Variants in RANBP1 observed in about 807,000 individuals in gnomAD.
The protein encoded by RANBP1 is RAN binding protein 1.
Under a neutral mutation model 31.4 loss-of-function variants are expected in RANBP1, and 16 were observed. The observed-to-expected ratio is 0.51, with a 90% CI of 0.34 to 0.77. The LOEUF (loss-of-function observed/expected upper bound fraction) is 0.77. Among genes scored for constraint, RANBP1 ranks in the 30% least tolerant of loss-of-function variants. The pLI is 0.01. For synonymous variants in RANBP1, 129 were observed against 140.5 expected (o/e 0.92, Z 0.58); for missense variants, 265 against 362.0 (o/e 0.73, Z 2.17).
intron 1 of RANBP1, chr22:20,117,561 G>A (rs1414310628): frequency 9.9e-6 from 14 of 1,410,342 alleles, no homozygotes; most frequent in Non-Finnish European, 1.3e-5. Context: ...GGCGCCAGAC[G>A]CGGAGGGAAG....
chr22:20,124,741 GCT>G (rs1307184092), intron 3 of RANBP1: 1 of 158,144 alleles, frequency 6.3e-6, no homozygotes, highest in African/African-American at 2.4e-5. Flanking sequence ...CCCCCAGTGG[GCT>G]CCCTTCTGGC....
At chr22:20,116,734 C>T in intron 1 of RANBP1, 2 of 1,400,286 alleles carry the variant, frequency 1.4e-6, no homozygotes, top group Admixed American at 2.1e-5. Context: ...CTGCCCCTCC[C>T]CCAGTCTACC....
At chr22:20,119,253 TAAAG>T in intron 2 of RANBP1, 104 bp downstream of exon 2, 1 of 1,144,578 alleles carries the variant, frequency 8.7e-7, no homozygotes, top group Admixed American at 2.1e-5. Flanking sequence ...TGAGGCTGCT[TAAAG>T]AAAGGGCCTA....
At chr22:20,117,462 T>C (rs1321125638) in intron 1 of RANBP1, 1 of 1,199,682 alleles carries the variant, frequency 8.3e-7, no homozygotes, top group Non-Finnish European at 1.0e-6. Flanking sequence ...TGTACTGGTT[T>C]TGAATCGCGG....
intron 1 of RANBP1, chr22:20,117,566 G>C: frequency 7.1e-7 from 1 of 1,413,056 alleles, no homozygotes; most frequent in Non-Finnish European, 9.2e-7. Flanking sequence ...CAGACGCGGA[G>C]GGAAGGAGCT....
In RANBP1 at chr22:20,122,126, T is replaced by C. The variant is rs1429216408; in HGVS notation, c.384-138T>C. 7 of 896,326 alleles carry C rather than the reference T, an allele frequency of 7.8e-6. No homozygotes were observed. In the African/African-American group the frequency reaches 1.0e-4, roughly 13 times the overall value. 55.5% of individuals were successfully genotyped at this position (896,326 alleles called of 1,614,324 possible). A position where few individuals can be genotyped will look rare whatever the true frequency, so the allele number is the denominator to read the frequency against. ...TTTCTGGTGGTGTTGTGACGGGCAG[T>C]TCTTGGAGCCTGAAGAAGGGCTGGG... is the stretch of plus-strand genomic sequence containing the variant. On this transcript the variant is annotated intron_variant, in intron 2 of 5. Transcript: ENST00000430524.
intron 3 of RANBP1, among the ~76,000 whole-genome samples, chr22:20,123,245 T>C (rs2050221407): frequency 9.4e-6 from 1 of 106,706 alleles, no homozygotes; most frequent in East Asian, 3.1e-4. Flanking sequence ...GGGTGTGGTA[T>C]CCGGGGTGTG....
intron 1 of RANBP1, chr22:20,117,355 G>A: frequency 2.5e-6 from 3 of 1,217,962 alleles, no homozygotes; most frequent in Non-Finnish European, 3.1e-6. Context: ...GCGCTCCTCT[G>A]GCTGACGGGC....
intron 2 of RANBP1, among the ~76,000 whole-genome samples, chr22:20,121,588 A>G (rs1258932172): frequency 1.3e-5 from 2 of 151,912 alleles, no homozygotes; most frequent in East Asian, 3.9e-4. Flanking sequence ...ACTCTCACCC[A>G]GGCTGGAGTG....
Position 20,122,433 on chromosome 22 carries a change from G to GA in RANBP1, c.541+14dup. On this transcript the variant is annotated intron_variant, in intron 3 of 5. Coordinates refer to ENST00000430524, the MANE Select transcript of RANBP1 (RefSeq NM_001278639.2). ...TGCCAACCACTACAGTAGGTGGCATGAACGACCACCTCGACAGTCCCCAGC... is the reference window on the plus strand; with the variant it reads ...TGCCAACCACTACAGTAGGTGGCATGAAACGACCACCTCGACAGTCCCCAGC... 2 of 1,611,272 alleles carry GA rather than the reference G, an allele frequency of 1.2e-6. No homozygotes were observed. Among genetic ancestry groups the GA allele is most frequent in the Non-Finnish European group, 1.7e-6 (2 of 1,178,596 alleles).
intron 2 of RANBP1, 83 bp downstream of exon 2, chr22:20,119,232 T>A (rs765301149): frequency 8.0e-6 from 11 of 1,375,464 alleles, no homozygotes; most frequent in Non-Finnish European, 1.1e-5. Context: ...TGGCCTGACT[T>A]TTAATCAGAC....
At chr22:20,121,307 T>C (rs144745316) in intron 2 of RANBP1, among the ~76,000 whole-genome samples, 137 of 152,118 alleles carry the variant, frequency 9.0e-4, no homozygotes, top group Non-Finnish European at 1.6e-3. Context: ...TGGTGCGCAA[T>C]GGTGTGATCT....
At chr22:20,121,154 C>T (rs925592166) in intron 2 of RANBP1, among the ~76,000 whole-genome samples, 4 of 152,090 alleles carry the variant, frequency 2.6e-5, no homozygotes, top group Admixed American at 1.3e-4. Flanking sequence ...GGGGTTTCAC[C>T]GAGTTAGTCA....
At chr22:20,122,196 GTCC>G (rs1432123740) in intron 2 of RANBP1, 65 bp from the exon 3 acceptor site, 68 of 1,555,324 alleles carry the variant, frequency 4.4e-5, no homozygotes, top group East Asian at 3.6e-4. Context: ...GTTGTCCTGT[GTCC>G]TCCTGCGCAG....
At chr22:20,125,931 G>C (rs1292450017) in intron 4 of RANBP1, among the ~76,000 whole-genome samples, 2 of 152,260 alleles carry the variant, frequency 1.3e-5, no homozygotes, top group African/African-American at 4.8e-5. Context: ...GCGTCCAGTG[G>C]CTCCTGGAGG....
chr22:20,120,208 G>C (rs945870485), intron 2 of RANBP1, among the ~76,000 whole-genome samples: 15 of 152,224 alleles, frequency 9.9e-5, no homozygotes, highest in Non-Finnish European at 5.9e-5. Flanking sequence ...CCAAGGAAGG[G>C]GGCCAGGAGG....
At chr22:20,125,794 T>C (rs891902106) in intron 4 of RANBP1, among the ~76,000 whole-genome samples, 3 of 152,260 alleles carry the variant, frequency 2.0e-5, no homozygotes, top group Non-Finnish European at 2.9e-5. Context: ...GCCAGGCTTC[T>C]GGTTCACTGG....
intron 3 of RANBP1, among the ~76,000 whole-genome samples, chr22:20,122,893 A>G (rs1275904773): frequency 2.1e-5 from 1 of 48,528 alleles, no homozygotes; most frequent in Non-Finnish European, 3.9e-5. Context: ...TGTCTGGGGC[A>G]GGGGGCTGTG....
intron 1 of RANBP1, among the ~76,000 whole-genome samples, chr22:20,118,754 A>G (rs1487142950): frequency 6.6e-6 from 1 of 152,236 alleles, no homozygotes; most frequent in Non-Finnish European, 1.5e-5. Context: ...GTCTGTGCAC[A>G]GATCTGATTG....
Sources: allele counts gnomAD v4.1 joint callset (sites outside exome capture counted in the v4.1 genomes callset), GRCh38; gene constraint gnomAD v4.1.1; transcripts MANE v1.5; gene names NCBI Gene and HGNC (gene_info 2026-07-23, HGNC 2026-07-21).